QSER1: variants seen among roughly 807,000 people sequenced by gnomAD.
QSER1 encodes the protein glutamine and serine-rich protein 1.
QSER1 carries 49 observed loss-of-function variants against 158.5 expected under a neutral mutation model. The observed-to-expected ratio is 0.31, with a 90% CI of 0.25 to 0.39. The LOEUF (loss-of-function observed/expected upper bound fraction) is 0.39, where lower values mean the gene tolerates loss of function less well. QSER1 is among the 10% of genes least tolerant of loss of function. The pLI is 1.00. For missense variants in QSER1, 1,754 were observed against 2,010.3 expected, an observed-to-expected ratio of 0.87 and a Z score of 2.44; for synonymous variants, 650 against 715.5, an observed-to-expected ratio of 0.91 and a Z score of 1.46.
At chr11:32,966,954 T>C (rs937967803) in intron 9 of QSER1, among the ~76,000 whole-genome samples, 7 of 152,172 alleles carry the variant, frequency 4.6e-5, no homozygotes, top group African/African-American at 1.7e-4. Context: ...CATACTGTTT[T>C]CCATAGCAGT....
In QSER1 at chr11:32,953,919, T is replaced by A. The variant is rs748711926; in HGVS notation, c.4240T>A (p.Ser1414Thr). Residue 1414 changes from serine to threonine, a missense_variant, in exon 5 of 13, where the codon TCA (serine) becomes ACA (threonine). This residue lies in a region of QSER1 where 1,707 missense variants were observed against 1,919.6 expected (regional missense o/e 0.89). Coordinates refer to ENST00000650167, the MANE Select transcript of QSER1 (RefSeq NM_001076786.3). ...TACTACTGGTACTGCTACTACTTCC[T>A]CAACCACTGTGGGTGCAGTTAAGCA... ...ANTTGTATTSSTTVGAVKQEP... is the reference protein window; with the variant it reads ...ANTTGTATTSTTTVGAVKQEP... 1 of 1,614,210 alleles carries A rather than the reference T, an allele frequency of 6.2e-7. No homozygotes were observed.
At chr11:32,957,518 G>A (rs982513474) in intron 7 of QSER1, among the ~76,000 whole-genome samples, 3 of 152,038 alleles carry the variant, frequency 2.0e-5, no homozygotes, top group Non-Finnish European at 2.9e-5. Context: ...TGGCAATTAC[G>A]GTTATAACAT....
chr11:32,968,830 A>G (rs983491565), intron 9 of QSER1, among the ~76,000 whole-genome samples: 1 of 152,206 alleles, frequency 6.6e-6, no homozygotes, highest in African/African-American at 2.4e-5. Context: ...TCCCATCATC[A>G]TACTGAGCTG....
At chr11:32,912,347 TA>T (rs1028561146) in intron 1 of QSER1, among the ~76,000 whole-genome samples, 1 of 152,186 alleles carries the variant, frequency 6.6e-6, no homozygotes, top group African/African-American at 2.4e-5. Context: ...CCTAAGTATC[TA>T]GCTATTGCCA....
chr11:32,929,465 TC>T (rs1381602131), intron 3 of QSER1, among the ~76,000 whole-genome samples: 1 of 152,200 alleles, frequency 6.6e-6, no homozygotes, highest in Non-Finnish European at 1.5e-5. Flanking sequence ...GGGCTTGGAC[TC>T]CCAGGTTAGT....
chr11:32,899,780 C>A (rs1435490065), intron 1 of QSER1, among the ~76,000 whole-genome samples: 1 of 152,094 alleles, frequency 6.6e-6, no homozygotes, highest in Non-Finnish European at 1.5e-5. Flanking sequence ...ACTTGGAGTT[C>A]TGTCCTTTTT....
chr11:32,963,553 A>C (rs373396554), intron 8 of QSER1, among the ~76,000 whole-genome samples: 2 of 151,908 alleles, frequency 1.3e-5, no homozygotes, highest in Non-Finnish European at 2.9e-5. Flanking sequence ...GGGTTTCACT[A>C]TGTTGGCCAG....
rs775347804 is a variant in QSER1, at chr11:32,966,440, A to G, written c.5107+3A>G. The G allele has an allele frequency of 1.2e-6, 2 of 1,611,222 alleles. No individual in the cohort carries two copies. Among genetic ancestry groups the G allele is most frequent in the African/African-American group, 1.3e-5 (1 of 74,774 alleles). ...GCAAGCCTTAGAGAAGAGCAATGGT[A>G]CAGTCTTCTAAGTAGTACTTCCTTG... On this transcript the variant is annotated splice_donor_region_variant and intron_variant, in intron 9 of 12. Coordinates refer to ENST00000650167, the MANE Select transcript of QSER1 (RefSeq NM_001076786.3).
At chr11:32,898,355 G>T (rs772633003) in intron 1 of QSER1, among the ~76,000 whole-genome samples, 2 of 152,036 alleles carry the variant, frequency 1.3e-5, no homozygotes, top group Non-Finnish European at 2.9e-5. Context: ...GCATGGTGGC[G>T]TGCGCCTGTG....
chr11:32,956,085 C>A lies in QSER1; in HGVS notation c.4715C>A (p.Ser1572Tyr). The change falls in exon 7 of 13, where the codon TCT (serine) becomes TAT (tyrosine). Residue 1572 changes from serine (S) to tyrosine (Y), a missense_variant. By Grantham distance (144) the Ser-to-Tyr change is moderately radical. Around this residue, in one of 2 missense-constraint regions of QSER1, gnomAD observed 1,707 missense variants for 1,919.6 expected, o/e 0.89. Transcript: ENST00000650167. Reference sequence around the variant, plus strand: ...AAGAAGGAATATGTCAGAGTGTGTTCTAAAAAGCCAAGAAATAAACCTTCA... The same window carrying A: ...AAGAAGGAATATGTCAGAGTGTGTTATAAAAAGCCAAGAAATAAACCTTCA... ...ANKKEYVRVC[S>Y]KKPRNKPSQT... The A allele has an allele frequency of 6.2e-7, 1 of 1,611,674 alleles. No individual in the cohort carries two copies. Among genetic ancestry groups the A allele is most frequent in the South Asian group, 1.1e-5 (1 of 90,934 alleles).
chr11:32,943,504 G>A (rs769831893), intron 4 of QSER1, among the ~76,000 whole-genome samples: 2,811 of 151,042 alleles, frequency 0.019, 45 homozygotes, highest in South Asian at 0.037. Context: ...TGTGGTTTTT[G>A]TCTTTGGCTC....
intron 4 of QSER1, among the ~76,000 whole-genome samples, chr11:32,948,459 C>T (rs2133574501): frequency 6.6e-6 from 1 of 152,132 alleles, no homozygotes; most frequent in African/African-American, 2.4e-5. Flanking sequence ...GAGCCTATCT[C>T]TACAAAAAAC....
intron 1 of QSER1, among the ~76,000 whole-genome samples, chr11:32,897,712 G>A (rs929662785): frequency 6.6e-6 from 1 of 152,178 alleles, no homozygotes; most frequent in Non-Finnish European, 1.5e-5. Context: ...CCATATTTGA[G>A]CAGACTCTTC....
At chr11:32,928,196 C>G in intron 3 of QSER1, 73 bp downstream of exon 3, 1 of 913,024 alleles carries the variant, frequency 1.1e-6, no homozygotes, top group East Asian at 2.5e-5. Flanking sequence ...ATGGCCTTGT[C>G]ATTGTGGCTG....
At chr11:32,966,259 C>A in intron 8 of QSER1, 41 bp from the exon 9 acceptor site, 2 of 1,589,558 alleles carry the variant, frequency 1.3e-6, no homozygotes, top group South Asian at 2.3e-5. Context: ...TTAAAATTGT[C>A]AGGAAGGAAA....
intron 1 of QSER1, among the ~76,000 whole-genome samples, chr11:32,903,884 T>G (rs1182741704): frequency 6.6e-6 from 1 of 152,188 alleles, no homozygotes; most frequent in Admixed American, 6.5e-5. Flanking sequence ...AGTGCTGGGA[T>G]TACAGGCATG....
intron 1 of QSER1, among the ~76,000 whole-genome samples, chr11:32,906,104 GT>G (rs374193235): frequency 0.15 from 17,621 of 118,426 alleles, 1,178 homozygotes; most frequent in Non-Finnish European, 0.2. Flanking sequence ...CTATTTTTTA[GT>G]TTTTTTTTTT....
At position 32,932,967 on chromosome 11, in the gene QSER1, A is replaced by C; in HGVS notation, c.1709A>C (p.Gln570Pro). The C allele has an allele frequency of 6.2e-7, 1 of 1,613,062 alleles. No homozygotes were observed. Among genetic ancestry groups the C allele is most frequent in the African/African-American group, 1.3e-5 (1 of 75,050 alleles). The change falls in exon 4 of 13, where the codon CAG becomes CCG. Residue 570 changes from glutamine to proline, a missense_variant. Physicochemically the swap from Gln to Pro is moderately conservative, Grantham distance 76. Around this residue, in one of 2 missense-constraint regions of QSER1, gnomAD observed 1,707 missense variants for 1,919.6 expected, o/e 0.89. Coordinates refer to ENST00000650167, the MANE Select transcript of QSER1 (RefSeq NM_001076786.3). ...GGTTTATCACCAGTTAGCCAGACACAGGTTAGCTATTCATCTCAATCACAA... is the reference window on the plus strand; with the variant it reads ...GGTTTATCACCAGTTAGCCAGACACCGGTTAGCTATTCATCTCAATCACAA... ...SQGLSPVSQT[Q>P]VSYSSQSQVL...
chr11:32,933,149 G>A lies in QSER1; in HGVS notation c.1891G>A (p.Val631Ile), dbSNP rs1237798597. Residue 631 changes from valine (V) to isoleucine (I), a missense_variant, in exon 4 of 13, where the codon GTT (valine) becomes ATT (isoleucine). By Grantham distance (29) the Val-to-Ile change is conservative. This residue lies in a region of QSER1 where 1,707 missense variants were observed against 1,919.6 expected (regional missense o/e 0.89). Coordinates refer to ENST00000650167, the MANE Select transcript of QSER1 (RefSeq NM_001076786.3). Reference sequence around the variant, plus strand: ...TATTTCTATGCATTCTTCCCAAAATGTTCAGACTCAAGAGTCATCATCTCC... The same window carrying A: ...TATTTCTATGCATTCTTCCCAAAATATTCAGACTCAAGAGTCATCATCTCC... ...NYISMHSSQN[V>I]QTQESSSPQS... 2 of 1,613,328 alleles carry A rather than the reference G, an allele frequency of 1.2e-6. No homozygotes were observed. Among genetic ancestry groups the A allele is most frequent in the Admixed American group, 1.7e-5 (1 of 59,846 alleles).
Sources: gnomAD v4.1 joint callset for allele counts (sites outside exome capture counted in the v4.1 genomes callset) on GRCh38, gnomAD v4.1.1 for gene constraint, gnomAD v4.1.1 regional missense constraint, MANE v1.5 for transcripts, NCBI Gene and HGNC (gene_info 2026-07-23, HGNC 2026-07-21) for gene names.